The following ZCCHC14 variants were observed in gnomAD, a reference collection of about 807,000 sequenced individuals.
The protein encoded by ZCCHC14 is zinc finger CCHC domain-containing protein 14.
ZCCHC14 carries 16 observed loss-of-function variants against 85.0 expected under a neutral mutation model. The ratio of observed to expected loss-of-function variants is 0.19; its 90% CI spans 0.13 to 0.29. The LOEUF (loss-of-function observed/expected upper bound fraction) is 0.29. Ranked by LOEUF, ZCCHC14 falls within the 10% of genes least tolerant of loss-of-function variation. ZCCHC14 has a pLI of 1.00. For missense variants in ZCCHC14, 1,303 were observed against 1,443.5 expected (o/e 0.90, Z 1.58); for synonymous variants, 775 against 630.7 (o/e 1.23, Z -3.43).
chr16:87,418,495 T>C (rs76912096), intron 7 of ZCCHC14, among the ~76,000 whole-genome samples: 2,593 of 152,308 alleles, frequency 0.017, 26 homozygotes, highest in Middle Eastern at 0.044. Context: ...GGCATACGAC[T>C]GCAGCTACCC....
intron 7 of ZCCHC14, among the ~76,000 whole-genome samples, chr16:87,418,444 C>G (rs2150726788): frequency 6.6e-6 from 1 of 152,320 alleles, no homozygotes; most frequent in Middle Eastern, 3.4e-3. Context: ...TCTGTGACAG[C>G]CCACCTCACT....
intron 1 of ZCCHC14, among the ~76,000 whole-genome samples, chr16:87,463,872 T>C (rs1190005007): frequency 6.6e-6 from 1 of 152,080 alleles, no homozygotes; most frequent in Non-Finnish European, 1.5e-5. Context: ...CAGGCTGGAA[T>C]GCAGTGGCAC....
intron 1 of ZCCHC14, among the ~76,000 whole-genome samples, chr16:87,488,695 G>A (rs1408025144): frequency 1.3e-5 from 2 of 151,950 alleles, no homozygotes; most frequent in Non-Finnish European, 2.9e-5. Context: ...ATCCCACCTC[G>A]GCCTCCCAAG....
chr16:87,484,706 A>G (rs919968916), intron 1 of ZCCHC14, among the ~76,000 whole-genome samples: 1 of 152,212 alleles, frequency 6.6e-6, no homozygotes, highest in South Asian at 2.1e-4. Context: ...TGGTGAAGCG[A>G]CTAAGAGAAG....
At chr16:87,474,846 C>T (rs1029750974) in intron 1 of ZCCHC14, among the ~76,000 whole-genome samples, 6 of 152,182 alleles carry the variant, frequency 3.9e-5, no homozygotes, top group East Asian at 1.9e-4. Flanking sequence ...CAGGCAGGCA[C>T]GGGGCAGGTC....
At chr16:87,470,014 A>G (rs934140108) in intron 1 of ZCCHC14, among the ~76,000 whole-genome samples, 3 of 152,070 alleles carry the variant, frequency 2.0e-5, no homozygotes, top group African/African-American at 7.2e-5. Context: ...CTGAGGCAGG[A>G]GGATCGCTTG....
chr16:87,484,127 G>A (rs977661672), intron 1 of ZCCHC14, among the ~76,000 whole-genome samples: 5 of 152,334 alleles, frequency 3.3e-5, no homozygotes, highest in African/African-American at 1.2e-4. Context: ...ACGAGGAAGT[G>A]TGCTATCTGC....
intron 3 of ZCCHC14, among the ~76,000 whole-genome samples, chr16:87,427,873 C>T (rs1483980836): frequency 4.0e-5 from 6 of 151,818 alleles, no homozygotes; most frequent in African/African-American, 1.2e-4. Flanking sequence ...CTCAAGCGAT[C>T]CGTCTGCCTC....
At position 87,482,273 on chromosome 16, in the gene ZCCHC14, C is replaced by T. The variant is rs147325555; in HGVS notation, c.570+9396G>A. On this transcript the variant is annotated intron_variant, in intron 1 of 12. Coordinates refer to ENST00000671377, the MANE Select transcript of ZCCHC14 (RefSeq NM_015144.3). Reference sequence around the variant, plus strand: ...TTTTTGGACTCATCAGTGTGACTGGCAAAACCACAGCTGAAAAGGTCACGA... The same window carrying T: ...TTTTTGGACTCATCAGTGTGACTGGTAAAACCACAGCTGAAAAGGTCACGA... 2.4e-3 allele frequency among the ~76,000 whole-genome samples: 363 copies of T among 152,078 alleles called. 1 individual carries two copies. The highest frequency in any genetic ancestry group is 0.014 in the Admixed American group (217 of 15,290).
intron 3 of ZCCHC14, among the ~76,000 whole-genome samples, chr16:87,426,170 T>G (rs1909358830): frequency 6.6e-6 from 1 of 152,102 alleles, no homozygotes; most frequent in Non-Finnish European, 1.5e-5. Flanking sequence ...GCAGCCACGA[T>G]CCAGACCCAG....
chr16:87,487,642 C>T (rs1912569539), intron 1 of ZCCHC14, among the ~76,000 whole-genome samples: 1 of 152,262 alleles, frequency 6.6e-6, no homozygotes, highest in South Asian at 2.1e-4. Context: ...AGAGGATGCG[C>T]TAAGTGTTAG....
intron 2 of ZCCHC14, among the ~76,000 whole-genome samples, chr16:87,442,592 T>C (rs532769709): frequency 1.3e-5 from 2 of 152,236 alleles, no homozygotes; most frequent in South Asian, 2.1e-4. Context: ...ATTAAAACTT[T>C]AGCGGTGGGA....
At chr16:87,423,167 C>G (rs1567514548) in intron 4 of ZCCHC14, among the ~76,000 whole-genome samples, 2 of 152,238 alleles carry the variant, frequency 1.3e-5, no homozygotes, top group East Asian at 3.9e-4. Flanking sequence ...GGGCCCTAAA[C>G]ACGTGTGCAG....
chr16:87,455,780 G>A (rs551352577), intron 2 of ZCCHC14, among the ~76,000 whole-genome samples: 4 of 152,310 alleles, frequency 2.6e-5, no homozygotes, highest in Non-Finnish European at 5.9e-5. Context: ...GAACTGCTTC[G>A]AGCGCCCATA....
intron 1 of ZCCHC14, among the ~76,000 whole-genome samples, chr16:87,478,146 C>T (rs980237038): frequency 2.6e-5 from 4 of 152,138 alleles, no homozygotes; most frequent in Non-Finnish European, 5.9e-5. Flanking sequence ...AAAAGCCTTC[C>T]ACCTATTTAA....
In ZCCHC14 at chr16:87,491,445, G is replaced by C. The variant is rs1209945844; in HGVS notation, c.570+224C>G. Among the ~76,000 whole-genome samples the C allele has an allele frequency of 6.6e-6, 1 of 151,794 alleles. No homozygotes were observed. Among genetic ancestry groups the C allele is most frequent in the Non-Finnish European group, 1.5e-5 (1 of 68,010 alleles). Reference sequence around the variant, plus strand: ...GCGGAGGCTTGGGATGTACGGTGGAGGCTTGGAGAGGTGGGGCACACATTT... The same window carrying C: ...GCGGAGGCTTGGGATGTACGGTGGACGCTTGGAGAGGTGGGGCACACATTT... On this transcript the variant is annotated intron_variant, in intron 1 of 12. Transcript: ENST00000671377. The surrounding 1 kb of genome is among the most constrained non-coding windows in gnomAD (Gnocchi z 5.9).
At chr16:87,463,062 C>CT (rs1037053584) in intron 1 of ZCCHC14, among the ~76,000 whole-genome samples, 1 of 150,864 alleles carries the variant, frequency 6.6e-6, no homozygotes, top group African/African-American at 2.4e-5. Context: ...GAGTGAAACT[C>CT]TGTCTCAAAG....
intron 1 of ZCCHC14, among the ~76,000 whole-genome samples, chr16:87,460,925 C>T (rs1043197401): frequency 6.6e-6 from 1 of 152,228 alleles, no homozygotes; most frequent in African/African-American, 2.4e-5. Flanking sequence ...AAAGCATATC[C>T]TAAAATTACA....
chr16:87,415,814 G>A (rs886327433), intron 8 of ZCCHC14, among the ~76,000 whole-genome samples: 23 of 152,302 alleles, frequency 1.5e-4, no homozygotes, highest in African/African-American at 5.1e-4. Flanking sequence ...ACCCTCCCCA[G>A]GACGGCCCCA....
Sources: allele counts gnomAD v4.1 joint callset (sites outside exome capture counted in the v4.1 genomes callset), GRCh38; gene constraint gnomAD v4.1.1; non-coding constraint Gnocchi (gnomAD v3.1); transcripts MANE v1.5; gene names NCBI Gene and HGNC (gene_info 2026-07-23, HGNC 2026-07-21).